Variants in RAD50 observed in about 807,000 individuals in gnomAD.
RAD50 encodes the protein RAD50 double strand break repair protein, also known as DNA repair protein RAD50.
In RAD50, 132 loss-of-function variants were observed where a neutral mutation model predicts 168.8. The observed-to-expected ratio is 0.78, with a 90% confidence interval of 0.68 to 0.90. The LOEUF (loss-of-function observed/expected upper bound fraction) is 0.90. Among genes scored for constraint, RAD50 ranks in the 40% least tolerant of loss-of-function variants. RAD50 has a pLI of 0.00. For synonymous variants in RAD50, 525 were observed against 497.4 expected, an observed-to-expected ratio of 1.06 and a Z score of -0.74; for missense variants, 1,347 against 1,534.4, an observed-to-expected ratio of 0.88 and a Z score of 2.04.
chr5:132,581,828 T>C (rs566000360), intron 5 of RAD50, among the ~76,000 whole-genome samples: 1 of 152,284 alleles, frequency 6.6e-6, no homozygotes, highest in South Asian at 2.1e-4. Flanking sequence ...TCTGTGTGGG[T>C]CCCGTGGTAA....
chr5:132,589,854 ATAATC>A lies in RAD50; in HGVS notation c.1452+22_1452+26del, dbSNP rs1402003151. ...ATAAAAGCTGTAAGATATTGTTTGA[ATAATC>A]TAATAATTTTAAGATATAATACTTT... On this transcript the variant is annotated intron_variant, in intron 9 of 24. Coordinates refer to ENST00000378823, the MANE Select transcript of RAD50 (RefSeq NM_005732.4). The A allele has an allele frequency of 6.3e-7, 1 of 1,576,940 alleles. No individual in the cohort carries two copies. Among genetic ancestry groups the A allele is most frequent in the Admixed American group, 1.7e-5 (1 of 59,746 alleles).
At chr5:132,631,266 G>A (rs1471399234) in intron 21 of RAD50, among the ~76,000 whole-genome samples, 3 of 151,780 alleles carry the variant, frequency 2.0e-5, no homozygotes, top group Non-Finnish European at 4.4e-5. Context: ...GATTACAGGT[G>A]CCCACCACCA....
chr5:132,577,802 A>ATTTTT (rs923754085), intron 3 of RAD50, among the ~76,000 whole-genome samples: 26 of 84,380 alleles, frequency 3.1e-4, no homozygotes, highest in Non-Finnish European at 4.2e-4. Context: ...CCCATTTCTG[A>ATTTTT]TTTTTTTTTT....
At chr5:132,615,084 G>A (rs1751153051) in intron 19 of RAD50, among the ~76,000 whole-genome samples, 3 of 152,048 alleles carry the variant, frequency 2.0e-5, no homozygotes, top group Admixed American at 6.6e-5. Context: ...TTCAGAATAA[G>A]TTTTCTATAC....
At chr5:132,595,875 C>A in intron 13 of RAD50, 65 bp downstream of exon 13, 2 of 1,438,046 alleles carry the variant, frequency 1.4e-6, no homozygotes, top group Non-Finnish European at 1.9e-6. Context: ...CCATCTCATG[C>A]CTGGGCAGAT....
In RAD50 at chr5:132,611,993, G is replaced by A. The variant is rs557023270; in HGVS notation, c.3036+2597G>A. On this transcript the variant is annotated intron_variant, in intron 19 of 24. Transcript: ENST00000378823. ...TCTTAGCTAGGGGCACCTGTAAATC[G>A]TCTGAGTTTTTCCACTTCTAGGTAT... Among the ~76,000 whole-genome samples, 60 of 152,274 alleles carry A rather than the reference G, an allele frequency of 3.9e-4. 2 individuals are homozygous for A. The South Asian group carries it at 0.01, about 26-fold the overall frequency.
At chr5:132,625,117 C>G (rs977403878) in intron 21 of RAD50, among the ~76,000 whole-genome samples, 12 of 148,888 alleles carry the variant, frequency 8.1e-5, no homozygotes, top group African/African-American at 3.0e-4. Flanking sequence ...GACGGAGTCT[C>G]GCTCTGTCGC....
chr5:132,588,326 T>G (rs1295134827), intron 7 of RAD50, among the ~76,000 whole-genome samples: 1 of 152,180 alleles, frequency 6.6e-6, no homozygotes, highest in Non-Finnish European at 1.5e-5. Flanking sequence ...TAGGTATGGT[T>G]ATGATTAGAA....
intron 2 of RAD50, among the ~76,000 whole-genome samples, chr5:132,572,045 C>A (rs867114980): frequency 1.3e-4 from 20 of 152,176 alleles, no homozygotes; most frequent in Middle Eastern, 6.8e-3. Flanking sequence ...CTCTAAAGGA[C>A]GTACTGGGAC....
At chr5:132,583,499 C>T (rs1316411423) in intron 5 of RAD50, among the ~76,000 whole-genome samples, 1 of 152,076 alleles carries the variant, frequency 6.6e-6, no homozygotes, top group Non-Finnish European at 1.5e-5. Context: ...ATTTCAGTCA[C>T]TCCAAAAAGT....
chr5:132,604,150 TC>T (rs1750939207), intron 15 of RAD50, 104 bp downstream of exon 15: 2 of 1,378,906 alleles, frequency 1.5e-6, no homozygotes, highest in East Asian at 2.4e-5. Flanking sequence ...CGAAGTTCCT[TC>T]CTGTCCACAT....
At chr5:132,597,517 T>G (rs921667581) in intron 13 of RAD50, among the ~76,000 whole-genome samples, 5 of 152,182 alleles carry the variant, frequency 3.3e-5, no homozygotes, top group African/African-American at 1.2e-4. Context: ...CCTCTGTCTC[T>G]TGTCTGAGGG....
At position 132,586,698 on chromosome 5, in the gene RAD50, G is replaced by A. The variant is rs1319184867; in HGVS notation, c.757-864G>A. The stretch of plus-strand genomic sequence containing the variant: ...TCTAAGCATTCCAATAACTTCATAT[G>A]TTAGTTTAAAATTAGGTTCTGCTGG... On this transcript the variant is annotated intron_variant, in intron 5 of 24. Coordinates refer to ENST00000378823, the MANE Select transcript of RAD50 (RefSeq NM_005732.4). 2.6e-5 allele frequency among the ~76,000 whole-genome samples: 4 copies of A among 152,080 alleles called. No homozygotes were observed. The East Asian group carries it at 7.7e-4, about 29-fold the overall frequency.
At chr5:132,585,575 T>TTGAGCTG (rs1378783829) in intron 5 of RAD50, among the ~76,000 whole-genome samples, 6 of 151,704 alleles carry the variant, frequency 4.0e-5, no homozygotes, top group Non-Finnish European at 8.8e-5. Context: ...CATTTTATTA[T>TTGAGCTG]TGAGCTGTGA....
chr5:132,637,517 T>TTTTTTC (rs1372844962), intron 22 of RAD50, among the ~76,000 whole-genome samples: 1 of 144,334 alleles, frequency 6.9e-6, no homozygotes. Flanking sequence ...AAACTCTTTT[T>TTTTTTC]TTTTTCTTTT....
Position 132,603,980 on chromosome 5 carries a change from G to A in RAD50, c.2458G>A (p.Asp820Asn). ...ACAAGCAGCTAAGCTACAAGGAATA[G>A]ACTTAGATCGAACTGTCCAACAAGT... Reference protein sequence around the residue: ...AQQAAKLQGIDLDRTVQQVNQ... With the variant: ...AQQAAKLQGINLDRTVQQVNQ... Residue 820 changes from aspartate (D) to asparagine (N), a missense_variant, in exon 15 of 25, where the codon GAC (aspartate) becomes AAC (asparagine). Transcript: ENST00000378823. The A allele has an allele frequency of 6.2e-7, 1 of 1,612,854 alleles. No homozygotes were observed. Among genetic ancestry groups the A allele is most frequent in the South Asian group, 1.1e-5 (1 of 91,042 alleles).
In RAD50 at chr5:132,619,889, G is replaced by GATATATATATATATATAT. The variant is rs1281581940; in HGVS notation, c.3389+1596_3389+1597insTATATATATATATATATA. Among the ~76,000 whole-genome samples the GATATATATATATATATAT allele has an allele frequency of 9.8e-3, 1,291 of 131,816 alleles. 26 individuals are homozygous for GATATATATATATATATAT. Among genetic ancestry groups the GATATATATATATATATAT allele is most frequent in the African/African-American group, 0.037 (1,227 of 33,426 alleles). The allele number at this position is 131,816 out of a possible 152,430, so 86.5% of individuals were successfully genotyped here. On this transcript the variant is annotated intron_variant, in intron 21 of 24. Coordinates refer to ENST00000378823, the MANE Select transcript of RAD50 (RefSeq NM_005732.4). ...ATATAAAGATATATATATATATAGA[G>GATATATATATATATATAT]AGAGAGAGAGAGAGATATATCTTTT... is the stretch of plus-strand genomic sequence containing the variant.
chr5:132,565,792 G>T (rs900490100), intron 2 of RAD50, among the ~76,000 whole-genome samples: 1 of 152,076 alleles, frequency 6.6e-6, no homozygotes, highest in Non-Finnish European at 1.5e-5. Context: ...ATTCCCTGGC[G>T]TGGACACTCT....
intron 5 of RAD50, 47 bp from the exon 6 acceptor site, chr5:132,587,515 T>C: frequency 6.2e-7 from 1 of 1,602,466 alleles, no homozygotes; most frequent in East Asian, 2.2e-5. Flanking sequence ...CTATCAGCCA[T>C]GTAAGCTATA....
Sources: gnomAD v4.1 joint callset for allele counts (sites outside exome capture counted in the v4.1 genomes callset) on GRCh38, gnomAD v4.1.1 for gene constraint, MANE v1.5 for transcripts, NCBI Gene and HGNC (gene_info 2026-07-23, HGNC 2026-07-21) for gene names.